Variants in ATIC observed in about 807,000 individuals in gnomAD.
The protein encoded by ATIC is 5-aminoimidazole-4-carboxamide ribonucleotide formyltransferase/IMP cyclohydrolase.
A neutral mutation model predicts 72.5 loss-of-function variants in ATIC; 64 were observed. That is an observed-to-expected ratio of 0.88 (90% CI 0.72 to 1.09). The LOEUF (loss-of-function observed/expected upper bound fraction) is 1.09. Ranked by LOEUF, ATIC falls within the 50% of genes least tolerant of loss-of-function variation. ATIC has a pLI of 0.00. For missense variants in ATIC, 787 were observed against 732.4 expected, an observed-to-expected ratio of 1.07 and a Z score of -0.86; for synonymous variants, 281 against 267.1, an observed-to-expected ratio of 1.05 and a Z score of -0.51.
chr2:215,352,535 TCACTC>T (rs1282825484), downstream of ATIC, among the ~76,000 whole-genome samples: 1 of 151,296 alleles, frequency 6.6e-6, no homozygotes, highest in African/African-American at 2.4e-5. Flanking sequence ...TGAGCTGAGA[TCACTC>T]CACTGCACTT....
At chr2:215,332,307 T>G (rs1462620874) in intron 7 of ATIC, 75 bp from the exon 8 acceptor site, 1 of 1,586,122 alleles carries the variant, frequency 6.3e-7, no homozygotes. Context: ...AGTCATGTTA[T>G]TTTTTTGAGA....
At chr2:215,322,669 TCTTATA>T (rs755393200) in intron 4 of ATIC, among the ~76,000 whole-genome samples, 11 of 152,170 alleles carry the variant, frequency 7.2e-5, no homozygotes, top group Non-Finnish European at 1.6e-4. Context: ...TAGTGTTAGC[TCTTATA>T]CTTAAGTCTT....
chr2:215,359,977 C>T, the ATIC span, among the ~76,000 whole-genome samples: 2 of 152,090 alleles, frequency 1.3e-5, no homozygotes, highest in African/African-American at 2.4e-5. Context: ...CTTGCTCTGT[C>T]CCCCATGCTG....
chr2:215,359,407 A>G, the ATIC span, among the ~76,000 whole-genome samples: 1 of 152,182 alleles, frequency 6.6e-6, no homozygotes, highest in South Asian at 2.1e-4. Flanking sequence ...CCCTTCCCAC[A>G]GTGTGTAGAT....
chr2:215,361,857 A>AGTT, the ATIC span: 11 of 1,373,868 alleles, frequency 8.0e-6, no homozygotes, highest in Non-Finnish European at 1.1e-5. Flanking sequence ...GTCATTTATG[A>AGTT]GTTGTTTTTT....
intron 3 of ATIC, among the ~76,000 whole-genome samples, chr2:215,318,683 C>T (rs2052735543): frequency 6.6e-6 from 1 of 151,960 alleles, no homozygotes; most frequent in African/African-American, 2.4e-5. Flanking sequence ...CTGGTATCCT[C>T]CTAGTTTGTC....
At chr2:215,317,392 TTTTG>T (rs1266605788) in intron 2 of ATIC, among the ~76,000 whole-genome samples, 3 of 152,226 alleles carry the variant, frequency 2.0e-5, no homozygotes, top group African/African-American at 4.8e-5. Context: ...AGGAATATAT[TTTTG>T]TTTGGGTTTA....
intron 9 of ATIC, among the ~76,000 whole-genome samples, chr2:215,334,255 G>A (rs1298249272): frequency 1.4e-5 from 2 of 143,064 alleles, no homozygotes; most frequent in Non-Finnish European, 1.5e-5. Flanking sequence ...GTGCAGTGGC[G>A]CCATCTCAGC....
chr2:215,359,404 C>T, the ATIC span, among the ~76,000 whole-genome samples: 5 of 152,180 alleles, frequency 3.3e-5, no homozygotes, highest in Admixed American at 6.5e-5. Flanking sequence ...TGTCCCTTCC[C>T]ACAGTGTGTA....
chr2:215,342,751 C>A (rs2053032846), intron 12 of ATIC, among the ~76,000 whole-genome samples: 1 of 152,210 alleles, frequency 6.6e-6, no homozygotes, highest in African/African-American at 2.4e-5. Flanking sequence ...TCGGTCTTGG[C>A]TCACTGCAAT....
At chr2:215,362,089 T>A in the ATIC span, 2 of 1,606,652 alleles carry the variant, frequency 1.2e-6, no homozygotes, top group Admixed American at 3.3e-5. Context: ...CCTGAGAGAG[T>A]AGAGGCATGA....
the ATIC span, chr2:215,360,897 T>C: frequency 2.6e-5 from 4 of 152,680 alleles, no homozygotes; most frequent in African/African-American, 4.8e-5. Flanking sequence ...AACAGTTGTC[T>C]TTCCACAGTA....
At chr2:215,361,861 G>GTT in the ATIC span, 1,398 of 1,131,334 alleles carry the variant, frequency 1.2e-3, 6 homozygotes, top group African/African-American at 0.019. Context: ...TTTATGAGTT[G>GTT]TTTTTTTTTT....
the ATIC span, chr2:215,364,581 C>T: frequency 4.2e-6 from 2 of 479,486 alleles, no homozygotes; most frequent in African/African-American, 3.9e-5. Context: ...GAAAATGATT[C>T]TAACATCATA....
At position 215,344,846 on chromosome 2, in the gene ATIC, CTG is replaced by C; in HGVS notation, c.1300_1301del (p.Cys434LeufsTer27). On this transcript the variant is annotated frameshift_variant, in exon 13 of 16. Transcript: ENST00000236959. LOFTEE classifies it high-confidence loss of function. ...GCTGTCAAGTACACTCAGTCTAACTCTGTGTGCTACGCCAAGAACGGGCAGGT... is the reference window on the plus strand; with the variant it reads ...GCTGTCAAGTACACTCAGTCTAACTCTGTGCTACGCCAAGAACGGGCAGGT... The C allele has an allele frequency of 2.5e-6, 4 of 1,614,022 alleles. No individual in the cohort carries two copies. The highest frequency in any genetic ancestry group is 3.4e-6 in the Non-Finnish European group (4 of 1,180,012).
At chr2:215,328,838 C>G (rs1031697911) in intron 7 of ATIC, among the ~76,000 whole-genome samples, 5 of 152,142 alleles carry the variant, frequency 3.3e-5, no homozygotes. Context: ...CTGCCTCGGC[C>G]TCTCAAGTAG....
chr2:215,361,144 C>A, the ATIC span: 1 of 207,038 alleles, frequency 4.8e-6, no homozygotes, highest in Non-Finnish European at 9.9e-6. Flanking sequence ...ATGCTTGTTC[C>A]TACAGTATTG....
At chr2:215,318,450 GCTATTAGTCCTGA>G (rs1453607475) in intron 3 of ATIC, among the ~76,000 whole-genome samples, 2 of 152,250 alleles carry the variant, frequency 1.3e-5, no homozygotes, top group East Asian at 3.9e-4. Context: ...TCCTCTGCTT[GCTATTAGTCCTGA>G]CCTGATACCT....
the ATIC span, among the ~76,000 whole-genome samples, chr2:215,355,099 A>C: frequency 6.6e-6 from 1 of 151,902 alleles, no homozygotes; most frequent in Non-Finnish European, 1.5e-5. Context: ...CCTTAAGCCA[A>C]AGTGCCACCC....
Sources: gnomAD v4.1 joint callset for allele counts (sites outside exome capture counted in the v4.1 genomes callset) on GRCh38, gnomAD v4.1.1 for gene constraint, MANE v1.5 for transcripts, NCBI Gene and HGNC (gene_info 2026-07-23, HGNC 2026-07-21) for gene names.